DNAH9: variants seen among roughly 807,000 people sequenced by gnomAD.
DNAH9 encodes DNAH9 variant protein.
DNAH9 carries 345 observed loss-of-function variants against 471.6 expected under a neutral mutation model. The observed-to-expected ratio is 0.73, with a 90% confidence interval of 0.67 to 0.80. The LOEUF (loss-of-function observed/expected upper bound fraction) is 0.80, where lower values mean the gene tolerates loss of function less well. Among genes scored for constraint, DNAH9 ranks in the 30% least tolerant of loss-of-function variants. The probability of loss-of-function intolerance (pLI) is 0.00; values close to 1 mark genes in which losing one functional copy is unlikely to be tolerated. For synonymous variants in DNAH9, 2,093 were observed against 2,123.6 expected, an observed-to-expected ratio of 0.99 and a Z score of 0.40; for missense variants, 5,407 against 5,609.2, an observed-to-expected ratio of 0.96 and a Z score of 1.15.
chr17:11,684,559 TC>T (rs1166839890), intron 19 of DNAH9, among the ~76,000 whole-genome samples: 2 of 152,136 alleles, frequency 1.3e-5, no homozygotes, highest in African/African-American at 4.8e-5. Flanking sequence ...TTGAGCACAG[TC>T]CTCTTGACCT....
intron 49 of DNAH9, among the ~76,000 whole-genome samples, chr17:11,839,299 G>A (rs866107271): frequency 6.6e-6 from 1 of 151,762 alleles, no homozygotes; most frequent in East Asian, 1.9e-4. Context: ...GGCGGATCAC[G>A]AGGTCAGGAG....
In DNAH9 at chr17:11,686,826, A is replaced by G. The variant is rs1439014751; in HGVS notation, c.3744-2740A>G. Among the ~76,000 whole-genome samples the G allele has an allele frequency of 2.0e-5, 3 of 152,212 alleles. No homozygotes were observed. The East Asian group carries it at 5.8e-4, about 29-fold the overall frequency. ...ACCCCAAATAGCTCCTATCTTACCT[A>G]AAAAGTTATTCCTAAATGGTGTTCC... is the stretch of plus-strand genomic sequence containing the variant. On this transcript the variant is annotated intron_variant, in intron 19 of 68. Coordinates refer to ENST00000262442, the MANE Select transcript of DNAH9 (RefSeq NM_001372.4).
intron 43 of DNAH9, among the ~76,000 whole-genome samples, chr17:11,801,284 C>T (rs1969448386): frequency 1.3e-5 from 2 of 152,066 alleles, no homozygotes; most frequent in Non-Finnish European, 2.9e-5. Context: ...TTTTTTGTAT[C>T]CCCCTAATCT....
intron 41 of DNAH9, among the ~76,000 whole-genome samples, chr17:11,790,718 T>A (rs561145368): frequency 6.6e-6 from 1 of 152,094 alleles, no homozygotes; most frequent in African/African-American, 2.4e-5. Context: ...ATATATTCTA[T>A]CTATTCTACC....
rs1273759359 is a variant in DNAH9, at chr17:11,769,140, A to G, written c.7363A>G (p.Ser2455Gly). 1 of 1,614,054 alleles carries G rather than the reference A, an allele frequency of 6.2e-7. No individual in the cohort carries two copies. The highest frequency in any genetic ancestry group is 1.3e-5 in the African/African-American group (1 of 74,920). ...ATTCCAGGCGTGTTTGGTGCACACG[A>G]GTGAGACCATCCGTGTGTGCTACTT... is the stretch of plus-strand genomic sequence containing the variant. ...MPLQACLVHT[S>G]ETIRVCYFME... The change falls in exon 38 of 69, where the codon AGT (serine) becomes GGT (glycine). Residue 2455 changes from serine (S) to glycine (G), a missense_variant. By Grantham distance (56) the Ser-to-Gly change is moderately conservative. Coordinates refer to ENST00000262442, the MANE Select transcript of DNAH9 (RefSeq NM_001372.4).
rs1225625809 is a variant in DNAH9, at chr17:11,969,336, A to G, written c.13270A>G (p.Thr4424Ala). The G allele has an allele frequency of 6.2e-7, 1 of 1,614,070 alleles. No homozygotes were observed. The highest frequency in any genetic ancestry group is 1.7e-5 in the Admixed American group (1 of 60,004). ...IITEAKLKDLTPPMPVMFIKA... is the reference protein window; with the variant it reads ...IITEAKLKDLAPPMPVMFIKA... ...TACAGAGGCAAAGCTGAAGGATCTG[A>G]CACCCCCTATGCCTGTGATGTTCAT... is the stretch of plus-strand genomic sequence containing the variant. The change falls in exon 69 of 69, where the codon ACA (threonine) becomes GCA (alanine). Residue 4424 changes from threonine to alanine, a missense_variant. This residue lies in a region of DNAH9 where 4,636 missense variants were observed against 4,900.3 expected (regional missense o/e 0.95). Transcript: ENST00000262442.
chr17:11,708,862 A>T (rs1474940912), intron 26 of DNAH9, among the ~76,000 whole-genome samples: 2 of 152,100 alleles, frequency 1.3e-5, no homozygotes, highest in Admixed American at 1.3e-4. Context: ...ATTGACCTTC[A>T]TTTCTTCTCT....
intron 26 of DNAH9, among the ~76,000 whole-genome samples, chr17:11,705,917 A>G (rs187041947): frequency 6.7e-4 from 102 of 152,342 alleles, no homozygotes; most frequent in Middle Eastern, 6.8e-3. Flanking sequence ...AACACAAAGA[A>G]GTATTTCTCT....
At chr17:11,895,036 T>C (rs1182191091) in intron 59 of DNAH9, among the ~76,000 whole-genome samples, 3 of 152,184 alleles carry the variant, frequency 2.0e-5, no homozygotes, top group Non-Finnish European at 4.4e-5. Flanking sequence ...TATTATTTGT[T>C]CCCATTTAAC....
chr17:11,969,748 A>G lies in DNAH9; in HGVS notation c.*221A>G, dbSNP rs887506284. On this transcript the variant is annotated 3_prime_UTR_variant, in exon 69 of 69. Transcript: ENST00000262442. ...TCTTAATAAAATGATTTACTCTTCA[A>G]CTGTGTCTGGCCCAGGATTTGAGAG... 1.4e-5 allele frequency: 7 copies of G among 518,460 alleles called. No homozygotes were observed. Among genetic ancestry groups the G allele is most frequent in the Admixed American group, 1.0e-4 (3 of 29,456 alleles). 32.1% of individuals were successfully genotyped at this position (518,460 alleles called of 1,614,324 possible).
chr17:11,793,813 A>G, intron 42 of DNAH9, 149 bp downstream of exon 42: 2 of 664,104 alleles, frequency 3.0e-6, no homozygotes, highest in Admixed American at 3.1e-5. Context: ...TTGCCCAGGT[A>G]AAAAAATGCT....
intron 33 of DNAH9, among the ~76,000 whole-genome samples, chr17:11,753,646 A>G (rs1434525302): frequency 1.3e-5 from 2 of 152,220 alleles, no homozygotes; most frequent in East Asian, 3.9e-4. Flanking sequence ...AGCCTGGGCA[A>G]CAAGAGCGAA....
chr17:11,693,798 G>A, intron 20 of DNAH9, 70 bp from the exon 21 acceptor site: 1 of 1,528,418 alleles, frequency 6.5e-7, no homozygotes, highest in Non-Finnish European at 9.0e-7. Context: ...GCTTCTAACT[G>A]GCTCCATGGA....
At chr17:11,701,356 G>A (rs1597502159) in intron 24 of DNAH9, 109 bp downstream of exon 24, 2 of 1,257,880 alleles carry the variant, frequency 1.6e-6, no homozygotes, top group Non-Finnish European at 2.2e-6. Flanking sequence ...ATGCTTCACA[G>A]CCAGGGAGGC....
intron 27 of DNAH9, among the ~76,000 whole-genome samples, chr17:11,726,730 G>A (rs895337014): frequency 2.6e-5 from 4 of 152,062 alleles, no homozygotes; most frequent in East Asian, 1.9e-4. Context: ...GCACATGATC[G>A]GTGCACAGAG....
chr17:11,643,904 A>G (rs2073327377), intron 10 of DNAH9, among the ~76,000 whole-genome samples: 1 of 152,228 alleles, frequency 6.6e-6, no homozygotes, highest in Non-Finnish European at 1.5e-5. Flanking sequence ...ATATCTGAAC[A>G]TAGAAAAAGT....
intron 29 of DNAH9, among the ~76,000 whole-genome samples, chr17:11,740,468 A>G (rs1223820805): frequency 6.6e-6 from 1 of 152,104 alleles, no homozygotes; most frequent in Non-Finnish European, 1.5e-5. Flanking sequence ...CCTCACATGG[A>G]GGAAAGAGGA....
intron 27 of DNAH9, among the ~76,000 whole-genome samples, chr17:11,723,884 A>T (rs1376897342): frequency 6.6e-6 from 1 of 152,016 alleles, no homozygotes; most frequent in Non-Finnish European, 1.5e-5. Flanking sequence ...TGTGTTAGCC[A>T]GGATGGTCTG....
chr17:11,840,084 A>G (rs979744817), intron 49 of DNAH9, among the ~76,000 whole-genome samples: 3 of 152,208 alleles, frequency 2.0e-5, no homozygotes, highest in Non-Finnish European at 4.4e-5. Context: ...AGGGAAATGA[A>G]ATCAACACCT....
Sources: gnomAD v4.1 joint callset for allele counts (sites outside exome capture counted in the v4.1 genomes callset) on GRCh38, gnomAD v4.1.1 for gene constraint, gnomAD v4.1.1 regional missense constraint, MANE v1.5 for transcripts, NCBI Gene and HGNC (gene_info 2026-07-23, HGNC 2026-07-21) for gene names.